MYH6: variants seen among roughly 807,000 people sequenced by gnomAD.
The protein encoded by MYH6 is myosin heavy chain 6.
Under a neutral mutation model 223.2 loss-of-function variants are expected in MYH6, and 126 were observed. That is an observed-to-expected ratio of 0.56 (90% CI 0.49 to 0.65). The LOEUF is 0.65. Ranked by LOEUF, MYH6 falls within the 30% of genes least tolerant of loss-of-function variation. The pLI is 0.00. For synonymous variants in MYH6, 978 were observed against 1,010.2 expected (o/e 0.97, Z 0.61); for missense variants, 2,040 against 2,536.4 (o/e 0.80, Z 4.20).
In MYH6 at chr14:23,387,530, T is replaced by A; in HGVS notation, c.4649A>T (p.Glu1550Val). ...GTGCAGGGAGTTCTCGGCCCTCACC[T>A]CTGCCTCCTCCAGGGCTGACTGCAG... ...LELQSALEEA[E>V]ASLEHEEGKI... Residue 1550 changes from glutamate (E) to valine (V), a missense_variant and splice_region_variant, in exon 32 of 39, where the codon GAG becomes GTG. Physicochemically the swap from Glu to Val is moderately radical, Grantham distance 121. Transcript: ENST00000405093. The A allele has an allele frequency of 6.2e-7, 1 of 1,613,578 alleles. No homozygotes were observed. Among genetic ancestry groups the A allele is most frequent in the Non-Finnish European group, 8.5e-7 (1 of 1,180,002 alleles).
rs1890889849 is a variant in MYH6, at chr14:23,382,458, A to G, written c.5766T>C (p.Leu1922=). ...ADIAESQVNK[L]RAKSRDIGAK... ...CACCAATGTCACGGCTCTTGGCTCG[A>G]AGCTTGTTGACCTGGGACTCAGCGA... Residue 1922 remains leucine, a synonymous_variant, in exon 38 of 39, where the codon CTT becomes CTC. Transcript: ENST00000405093. 1.2e-6 allele frequency: 2 copies of G among 1,614,114 alleles called. No individual in the cohort carries two copies. The highest frequency in any genetic ancestry group is 1.6e-4 in the Middle Eastern group (1 of 6,062).
Position 23,402,558 on chromosome 14 carries a change from G to T in MYH6, c.1047C>A (p.Gly349=). The T allele has an allele frequency of 6.2e-7, 1 of 1,613,664 alleles. No homozygotes were observed. The highest frequency in any genetic ancestry group is 8.5e-7 in the Non-Finnish European group (1 of 1,179,936). ...VLGFTSEEKA[G]VYKLTGAIMH... ...TGATGGCTCCCGTCAGCTTGTAGAC[G>T]CCAGCTTTCTCCTCTGAAGTGAAGC... Residue 349 remains glycine, a synonymous_variant, in exon 12 of 39, where the codon GGC becomes GGA. Coordinates refer to ENST00000405093, the MANE Select transcript of MYH6 (RefSeq NM_002471.4).
At chr14:23,395,544 T>G (rs374389578) in intron 20 of MYH6, among the ~76,000 whole-genome samples, 1 of 149,122 alleles carries the variant, frequency 6.7e-6, no homozygotes, top group Non-Finnish European at 1.5e-5. Flanking sequence ...TTTTTTTTTT[T>G]GAGATGGAGT....
chr14:23,382,469 C>T lies in MYH6; in HGVS notation c.5755G>A (p.Val1919Ile). The T allele has an allele frequency of 6.2e-7, 1 of 1,614,158 alleles. No homozygotes were observed. ...EERADIAESQ[V>I]NKLRAKSRDI... is the part of the protein sequence containing the mutation. ...CGGCTCTTGGCTCGAAGCTTGTTGA[C>T]CTGGGACTCAGCGATGTCCGCCCGC... Residue 1919 changes from valine (V) to isoleucine (I), a missense_variant, in exon 38 of 39, where the codon GTC (valine) becomes ATC (isoleucine). By Grantham distance (29) the Val-to-Ile change is conservative. This residue lies in a region of MYH6 where 1,203 missense variants were observed against 1,400.2 expected (regional missense o/e 0.86). Transcript: ENST00000405093.
rs137983703 is a variant in MYH6, at chr14:23,388,196, C to A, written c.4318G>T (p.Ala1440Ser). Residue 1440 changes from alanine (A) to serine (S), a missense_variant, in exon 30 of 39, where the codon GCT (alanine) becomes TCT (serine). This residue lies in a region of MYH6 where 1,203 missense variants were observed against 1,400.2 expected (regional missense o/e 0.86). Transcript: ENST00000405093. ...LMVDVERSNA[A>S]AAALDKKQRN... ...TGCTTCTTGTCCAGGGCTGCAGCAG[C>A]AGCATTGGAGCGCTCTACGTCCACC... The A allele has an allele frequency of 6.8e-6, 11 of 1,612,256 alleles. No homozygotes were observed. The highest frequency in any genetic ancestry group is 8.5e-6 in the Non-Finnish European group (10 of 1,180,046).
At chr14:23,404,251 T>C in intron 8 of MYH6, 45 bp downstream of exon 8, 3 of 1,605,352 alleles carry the variant, frequency 1.9e-6, no homozygotes, top group Middle Eastern at 1.7e-4. Context: ...CCCTTTTTCT[T>C]GTCAAGGCTG....
Position 23,383,339 on chromosome 14 carries a change from G to GGGGCCCCCCCCCCCCC in MYH6, c.5566-20_5566-19insGGGGGGGGGGGGGCCC. On this transcript the variant is annotated intron_variant, in intron 36 of 38. Transcript: ENST00000405093. ...CCTCTGTCTGGGGGTGGGAGGGTGG[G>GGGGCCCCCCCCCCCCC]AGAAGCTGGTTTGGAGGGGGAGCAA... 9.2e-6 allele frequency: 1 copy of GGGGCCCCCCCCCCCCC among 108,200 alleles called. No homozygotes were observed. Among genetic ancestry groups the GGGGCCCCCCCCCCCCC allele is most frequent in the Non-Finnish European group, 1.8e-5 (1 of 54,382 alleles). 6.7% of individuals were successfully genotyped at this position (108,200 alleles called of 1,614,324 possible).
chr14:23,398,110 C>T (rs909497768), intron 15 of MYH6, among the ~76,000 whole-genome samples: 3 of 151,710 alleles, frequency 2.0e-5, no homozygotes, highest in Non-Finnish European at 4.4e-5. Flanking sequence ...CTCCGTCGCC[C>T]GGATTCAAGC....
chr14:23,385,079 A>C, intron 34 of MYH6, 38 bp from the exon 35 acceptor site: 1 of 1,612,626 alleles, frequency 6.2e-7, no homozygotes, highest in Non-Finnish European at 8.5e-7. Flanking sequence ...AATATATACT[A>C]CACTTTGTTA....
intron 15 of MYH6, among the ~76,000 whole-genome samples, chr14:23,398,354 G>A (rs1330729385): frequency 1.3e-5 from 2 of 152,082 alleles, no homozygotes; most frequent in African/African-American, 4.8e-5. Flanking sequence ...TTCATTTCAA[G>A]CCACATCCTT....
chr14:23,408,118 G>T, intron 1 of MYH6, 135 bp downstream of exon 1: 1 of 495,920 alleles, frequency 2.0e-6, no homozygotes, highest in Non-Finnish European at 2.6e-6. Context: ...ACTTCCCTGG[G>T]CCTGGAGATA....
chr14:23,386,648 G>T, intron 32 of MYH6, 25 bp from the exon 33 acceptor site: 1 of 1,556,302 alleles, frequency 6.4e-7, no homozygotes, highest in Non-Finnish European at 8.8e-7. Context: ...GGCGAGGGCG[G>T]GCAGACAGGG....
chr14:23,403,769 T>G lies in MYH6; in HGVS notation c.745A>C (p.Ile249Leu). ...NDNSSRFGKFIRIHFGATGKL... is the reference protein window; with the variant it reads ...NDNSSRFGKFLRIHFGATGKL... Reference sequence around the variant, plus strand: ...CCAGTGGCCCCAAAGTGGATCCTAATGAATTTCCCCTGGGGACGAATGGGA... The same window carrying G: ...CCAGTGGCCCCAAAGTGGATCCTAAGGAATTTCCCCTGGGGACGAATGGGA... The change falls in exon 9 of 39, where the codon ATT becomes CTT. Residue 249 changes from isoleucine (I) to leucine (L), a missense_variant. This residue lies in a region of MYH6 where 649 missense variants were observed against 877.3 expected (regional missense o/e 0.74). Coordinates refer to ENST00000405093, the MANE Select transcript of MYH6 (RefSeq NM_002471.4). The G allele has an allele frequency of 6.2e-7, 1 of 1,611,902 alleles. No individual in the cohort carries two copies. The highest frequency in any genetic ancestry group is 8.5e-7 in the Non-Finnish European group (1 of 1,178,954).
intron 38 of MYH6, 62 bp from the exon 39 acceptor site, chr14:23,382,125 A>T: frequency 6.7e-7 from 1 of 1,491,068 alleles, no homozygotes; most frequent in South Asian, 1.1e-5. Flanking sequence ...TGTGGGGACA[A>T]ATCCCTGGGG....
intron 28 of MYH6, 134 bp downstream of exon 28, chr14:23,389,259 G>A: frequency 1.7e-6 from 2 of 1,199,224 alleles, no homozygotes; most frequent in Non-Finnish European, 2.4e-6. Flanking sequence ...ACGCTTAGCT[G>A]CAGGGCAGAA....
At chr14:23,392,817 A>G in intron 24 of MYH6, 95 bp downstream of exon 24, 16 of 1,569,838 alleles carry the variant, frequency 1.0e-5, no homozygotes, top group Non-Finnish European at 1.4e-5. Flanking sequence ...CAGCATACCC[A>G]AGGCAACTGT....
At chr14:23,403,264 G>T in intron 10 of MYH6, 84 bp downstream of exon 10, 1 of 1,145,252 alleles carries the variant, frequency 8.7e-7, no homozygotes, top group East Asian at 2.3e-5. Flanking sequence ...ACAGTGGGGA[G>T]CAGGAGGGCC....
At chr14:23,404,612 G>C in intron 7 of MYH6, 99 bp downstream of exon 7, 1 of 1,247,734 alleles carries the variant, frequency 8.0e-7, no homozygotes, top group South Asian at 1.2e-5. Context: ...GCTCAGTGTG[G>C]CTGTCCCCAC....
chr14:23,405,809 A>G lies in MYH6; in HGVS notation c.202-39T>C, dbSNP rs779059278. On this transcript the variant is annotated intron_variant, in intron 3 of 38. Coordinates refer to ENST00000405093, the MANE Select transcript of MYH6 (RefSeq NM_002471.4). This position sits in a 1 kb window ranked among gnomAD's most constrained non-coding sequence, Gnocchi z 4.7. ...ATAAGCAGGAGGATGAGTGACCACA[A>G]TCCCTCCGGGACCCTTGCCAGCACT... The G allele has an allele frequency of 1.9e-6, 3 of 1,613,616 alleles. No individual in the cohort carries two copies. The highest frequency in any genetic ancestry group is 3.3e-5 in the Admixed American group (2 of 59,988).
Sources: allele counts gnomAD v4.1 joint callset (sites outside exome capture counted in the v4.1 genomes callset), GRCh38; gene constraint gnomAD v4.1.1; regional missense constraint gnomAD v4.1.1; non-coding constraint Gnocchi (gnomAD v3.1); transcripts MANE v1.5; gene names NCBI Gene and HGNC (gene_info 2026-07-23, HGNC 2026-07-21).